PPFIA2: variants seen among roughly 807,000 people sequenced by gnomAD.
PPFIA2 encodes the protein liprin-alpha-2.
Under a neutral mutation model 175.5 loss-of-function variants are expected in PPFIA2, and 46 were observed. The observed-to-expected ratio is 0.26, with a 90% CI of 0.21 to 0.34. The LOEUF (loss-of-function observed/expected upper bound fraction) is 0.34. Among genes scored for constraint, PPFIA2 ranks in the 10% least tolerant of loss-of-function variants. PPFIA2 has a pLI of 1.00. For missense variants in PPFIA2, 1,179 were observed against 1,506.1 expected (o/e 0.78, Z 3.60); for synonymous variants, 568 against 511.4 (o/e 1.11, Z -1.49).
chr12:81,429,457 A>G (rs1035775222), intron 7 of PPFIA2, among the ~76,000 whole-genome samples: 3 of 152,046 alleles, frequency 2.0e-5, no homozygotes, highest in African/African-American at 7.2e-5. Context: ...AAACGATCCT[A>G]TAACTTCAGA....
intron 7 of PPFIA2, among the ~76,000 whole-genome samples, chr12:81,411,170 G>A (rs752614067): frequency 6.6e-6 from 1 of 152,084 alleles, no homozygotes; most frequent in Non-Finnish European, 1.5e-5. Context: ...TTTTTTAGGT[G>A]TGTAGAAGAT....
intron 32 of PPFIA2, chr12:81,260,306 A>G (rs1450563461): frequency 6.6e-6 from 1 of 152,210 alleles, no homozygotes; most frequent in Admixed American, 6.5e-5. Context: ...AATTAATGGT[A>G]AAAACTAGGA....
intron 21 of PPFIA2, among the ~76,000 whole-genome samples, chr12:81,336,768 C>G (rs2057198740): frequency 6.6e-6 from 1 of 152,186 alleles, no homozygotes; most frequent in Non-Finnish European, 1.5e-5. Flanking sequence ...ATCACTATCT[C>G]TTTCCCGTAG....
At chr12:81,296,552 C>T (rs928172462) in intron 23 of PPFIA2, 2 of 152,002 alleles carry the variant, frequency 1.3e-5, no homozygotes, top group African/African-American at 4.8e-5. Flanking sequence ...GAAAACACAA[C>T]AAAAAATTAG....
chr12:81,662,756 G>A (rs143211229), intron 4 of PPFIA2, among the ~76,000 whole-genome samples: 29 of 152,190 alleles, frequency 1.9e-4, no homozygotes, highest in African/African-American at 6.3e-4. Context: ...AAAAAAAAGA[G>A]AATTTTCAAC....
intron 3 of PPFIA2, among the ~76,000 whole-genome samples, chr12:81,723,220 A>C (rs1353734473): frequency 6.6e-6 from 1 of 151,022 alleles, no homozygotes; most frequent in Non-Finnish European, 1.5e-5. Context: ...AATATCTCAA[A>C]ATGCTAACTA....
chr12:81,359,369 G>A (rs977295427), intron 15 of PPFIA2, among the ~76,000 whole-genome samples: 6 of 151,846 alleles, frequency 4.0e-5, no homozygotes, highest in African/African-American at 1.5e-4. Flanking sequence ...CCATCAAATA[G>A]GTGACAGCTA....
chr12:81,530,344 A>G (rs1453116293), intron 4 of PPFIA2, among the ~76,000 whole-genome samples: 3 of 151,984 alleles, frequency 2.0e-5, no homozygotes, highest in Admixed American at 6.6e-5. Flanking sequence ...TGGAGCTTCA[A>G]GATAGGAAGA....
At chr12:81,732,392 G>A (rs188638291) in intron 3 of PPFIA2, among the ~76,000 whole-genome samples, 1 of 151,398 alleles carries the variant, frequency 6.6e-6, no homozygotes, top group Admixed American at 6.6e-5. Flanking sequence ...AAAGTCCAGT[G>A]TGGGGAAAAG....
At chr12:81,328,477 T>C (rs1010228350) in intron 21 of PPFIA2, among the ~76,000 whole-genome samples, 2 of 152,232 alleles carry the variant, frequency 1.3e-5, no homozygotes, top group African/African-American at 4.8e-5. Context: ...AATGAGATTA[T>C]TGTTTCTATA....
At chr12:81,432,100 GATAA>G (rs2048193607) in intron 7 of PPFIA2, among the ~76,000 whole-genome samples, 1 of 108,558 alleles carries the variant, frequency 9.2e-6, no homozygotes, top group East Asian at 3.6e-4. Context: ...GATAAAACAA[GATAA>G]ATAATTAGTT....
intron 19 of PPFIA2, among the ~76,000 whole-genome samples, chr12:81,343,550 A>G (rs1286289606): frequency 6.6e-6 from 1 of 152,094 alleles, no homozygotes. Context: ...CATAAAAGTT[A>G]TCTGGTTCCA....
chr12:81,269,031 T>C (rs1593447224), intron 28 of PPFIA2, among the ~76,000 whole-genome samples: 1 of 152,214 alleles, frequency 6.6e-6, no homozygotes, highest in South Asian at 2.1e-4. Context: ...CTATTGAAAG[T>C]AGTATTCTAT....
chr12:81,730,869 G>A (rs2153639571), intron 3 of PPFIA2, among the ~76,000 whole-genome samples: 1 of 151,332 alleles, frequency 6.6e-6, no homozygotes. Flanking sequence ...GGTCTAGAAG[G>A]CACGAAAAGT....
chr12:81,360,286 T>A (rs982657733), intron 15 of PPFIA2, among the ~76,000 whole-genome samples: 1 of 151,868 alleles, frequency 6.6e-6, no homozygotes, highest in Admixed American at 6.6e-5. Context: ...TTTTGGAAGG[T>A]CTAAGTAAGT....
intron 21 of PPFIA2, among the ~76,000 whole-genome samples, chr12:81,326,567 A>G (rs1810037378): frequency 6.6e-6 from 1 of 152,168 alleles, no homozygotes; most frequent in South Asian, 2.1e-4. Context: ...CAAGTAGGTC[A>G]TAAGTTCTCA....
chr12:81,670,572 C>G (rs1426427949), intron 4 of PPFIA2, among the ~76,000 whole-genome samples: 1 of 151,940 alleles, frequency 6.6e-6, no homozygotes, highest in Non-Finnish European at 1.5e-5. Context: ...CCCATCTCCT[C>G]TATTGGCTAT....
chr12:81,286,429 G>T (rs1404895572), intron 24 of PPFIA2, among the ~76,000 whole-genome samples: 1 of 151,716 alleles, frequency 6.6e-6, no homozygotes, highest in Non-Finnish European at 1.5e-5. Flanking sequence ...TATTTTTACT[G>T]TACCTTTTCT....
At chr12:81,394,671 G>A (rs896242458) in intron 8 of PPFIA2, among the ~76,000 whole-genome samples, 1 of 151,900 alleles carries the variant, frequency 6.6e-6, no homozygotes, top group Admixed American at 6.6e-5. Context: ...GGGGGCAAGG[G>A]GAGGGAGAGC....
Sources: allele counts gnomAD v4.1 joint callset (sites outside exome capture counted in the v4.1 genomes callset), GRCh38; gene constraint gnomAD v4.1.1; transcripts MANE v1.5; gene names NCBI Gene and HGNC (gene_info 2026-07-23, HGNC 2026-07-21).